Variants in RNF216 observed in about 807,000 individuals in gnomAD.
The protein encoded by RNF216 is E3 ubiquitin-protein ligase RNF216.
RNF216 carries 72 observed loss-of-function variants against 110.8 expected under a neutral mutation model. The ratio of observed to expected loss-of-function variants is 0.65; its 90% CI spans 0.54 to 0.79. The LOEUF (loss-of-function observed/expected upper bound fraction) is 0.79, where lower values mean the gene tolerates loss of function less well. Ranked by LOEUF, RNF216 falls within the 30% of genes least tolerant of loss-of-function variation. RNF216 has a pLI of 0.00. For missense variants in RNF216, 1,342 were observed against 1,141.2 expected (o/e 1.18, Z -2.54); for synonymous variants, 495 against 407.5 (o/e 1.21, Z -2.59).
At chr7:5,752,785 G>C in intron 3 of RNF216, 61 bp downstream of exon 3, 1 of 1,571,340 alleles carries the variant, frequency 6.4e-7, no homozygotes, top group Admixed American at 1.8e-5. Flanking sequence ...CACAAGAGTG[G>C]CTGAAAAATC....
chr7:5,687,650 G>A (rs1273924350), intron 13 of RNF216, among the ~76,000 whole-genome samples: 1 of 152,158 alleles, frequency 6.6e-6, no homozygotes, highest in Non-Finnish European at 1.5e-5. Context: ...TACAGAGGAG[G>A]AAACCAACAC....
At chr7:5,719,320 A>T (rs1793266570) in intron 9 of RNF216, among the ~76,000 whole-genome samples, 1 of 152,210 alleles carries the variant, frequency 6.6e-6, no homozygotes, top group African/African-American at 2.4e-5. Flanking sequence ...TTGAAGCAGT[A>T]AGCCATGATT....
intron 5 of RNF216, among the ~76,000 whole-genome samples, chr7:5,738,357 C>T (rs1220222865): frequency 1.3e-5 from 2 of 151,958 alleles, no homozygotes; most frequent in African/African-American, 4.8e-5. Context: ...TCCCAAAGTG[C>T]CAGAATTAAA....
At chr7:5,697,186 C>G (rs578078329) in intron 13 of RNF216, among the ~76,000 whole-genome samples, 4 of 149,860 alleles carry the variant, frequency 2.7e-5, no homozygotes, top group African/African-American at 1.0e-4. Context: ...AAGTTCTCCC[C>G]ATCTCCGCCA....
intron 9 of RNF216, 47 bp from the exon 10 acceptor site, chr7:5,716,813 T>C (rs1562423649): frequency 2.8e-6 from 4 of 1,405,386 alleles, no homozygotes; most frequent in Non-Finnish European, 1.0e-6. Flanking sequence ...TTAGTAAAAA[T>C]GACACTAACC....
chr7:5,744,476 AG>A (rs1323911090), intron 3 of RNF216, among the ~76,000 whole-genome samples: 1 of 152,128 alleles, frequency 6.6e-6, no homozygotes, highest in Non-Finnish European at 1.5e-5. Flanking sequence ...GAAGGGAAGG[AG>A]GGGGACACAT....
intron 13 of RNF216, among the ~76,000 whole-genome samples, chr7:5,675,614 C>T (rs1584429639): frequency 6.6e-6 from 1 of 152,116 alleles, no homozygotes; most frequent in South Asian, 2.1e-4. Context: ...GCGCTCCAGC[C>T]TGGGTGACAG....
intron 13 of RNF216, among the ~76,000 whole-genome samples, chr7:5,700,538 A>G (rs376993042): frequency 2.0e-4 from 30 of 152,282 alleles, no homozygotes; most frequent in African/African-American, 7.2e-4. Context: ...TGGTTTCTAG[A>G]AAGAGGGCCA....
intron 13 of RNF216, among the ~76,000 whole-genome samples, chr7:5,657,431 G>A (rs1788816363): frequency 6.6e-6 from 1 of 152,168 alleles, no homozygotes. Flanking sequence ...GCTGGGCGTG[G>A]TGGCGCATGC....
At chr7:5,665,130 A>G (rs891263008) in intron 13 of RNF216, among the ~76,000 whole-genome samples, 1 of 152,174 alleles carries the variant, frequency 6.6e-6, no homozygotes, top group African/African-American at 2.4e-5. Context: ...GAATTCTTCT[A>G]ACAGTGTCTT....
chr7:5,741,082 C>T lies in RNF216; in HGVS notation c.935G>A (p.Gly312Asp), dbSNP rs748380155. Residue 312 changes from glycine (G) to aspartate (D), a missense_variant, in exon 4 of 17, where the codon GGT (glycine) becomes GAT (aspartate). Physicochemically the swap from Gly to Asp is moderately conservative, Grantham distance 94. Coordinates refer to ENST00000389902, the MANE Select transcript of RNF216 (RefSeq NM_207111.4). ...AGATTCTTGCATTGGAAAGGCTGGACCTGGCTCTTCATCATCACTTGCTAA... is the reference window on the plus strand; with the variant it reads ...AGATTCTTGCATTGGAAAGGCTGGATCTGGCTCTTCATCATCACTTGCTAA... ...QQLASDDEEP[G>D]PAFPMQESQE... 4 of 1,614,082 alleles carry T rather than the reference C, an allele frequency of 2.5e-6. No homozygotes were observed. The highest frequency in any genetic ancestry group is 3.4e-6 in the Non-Finnish European group (4 of 1,180,032).
chr7:5,630,966 TG>T (rs1238321436), intron 15 of RNF216, among the ~76,000 whole-genome samples: 4 of 152,122 alleles, frequency 2.6e-5, no homozygotes, highest in African/African-American at 7.2e-5. Flanking sequence ...CAAACCTGAC[TG>T]GGGGCCTGAG....
At chr7:5,647,819 T>C (rs1024738609) in intron 14 of RNF216, among the ~76,000 whole-genome samples, 1 of 152,204 alleles carries the variant, frequency 6.6e-6, no homozygotes, top group Non-Finnish European at 1.5e-5. Flanking sequence ...CCATTTATAA[T>C]ACTACAAACC....
chr7:5,675,814 A>G (rs1790249855), intron 13 of RNF216, among the ~76,000 whole-genome samples: 1 of 149,820 alleles, frequency 6.7e-6, no homozygotes, highest in Non-Finnish European at 1.5e-5. Context: ...GGTTCAAGAG[A>G]TTCTCCTGCC....
chr7:5,770,415 C>T (rs1219560185), intron 1 of RNF216, among the ~76,000 whole-genome samples: 1 of 150,764 alleles, frequency 6.6e-6, no homozygotes, highest in Non-Finnish European at 1.5e-5. Context: ...GAGCCGAGAT[C>T]ATGCCAATGC....
At chr7:5,687,344 T>C (rs1255128967) in intron 13 of RNF216, among the ~76,000 whole-genome samples, 1 of 133,782 alleles carries the variant, frequency 7.5e-6, no homozygotes, top group Non-Finnish European at 1.5e-5. Context: ...TGCAGTGAGC[T>C]GAGACTGCGT....
chr7:5,630,017 G>A (rs575323191), intron 15 of RNF216, among the ~76,000 whole-genome samples: 1 of 152,036 alleles, frequency 6.6e-6, no homozygotes, highest in African/African-American at 2.4e-5. Flanking sequence ...CCTGTGAAGA[G>A]GACACTTGGA....
rs1791498605 is a variant in RNF216 at position 5,694,273 on chromosome 7, G to C, written c.2061+17488C>G. On this transcript the variant is annotated intron_variant, in intron 13 of 16. Coordinates refer to ENST00000389902, the MANE Select transcript of RNF216 (RefSeq NM_207111.4). ...TCTTTCAGCTTCAAAACAAGGTCTAGGTATGCAGTACTTGAATCATTCACA... is the reference window on the plus strand; with the variant it reads ...TCTTTCAGCTTCAAAACAAGGTCTACGTATGCAGTACTTGAATCATTCACA... Among the ~76,000 whole-genome samples, 2 of 152,198 alleles carry C rather than the reference G, an allele frequency of 1.3e-5. 1 individual carries two copies. The highest frequency in any genetic ancestry group is 4.1e-4 in the South Asian group (2 of 4,836).
intron 1 of RNF216, among the ~76,000 whole-genome samples, chr7:5,763,945 T>C (rs1002875083): frequency 4.6e-5 from 7 of 152,108 alleles, no homozygotes; most frequent in Non-Finnish European, 8.8e-5. Context: ...TCTAAGCACC[T>C]TGGGAGGCCG....
Sources: gnomAD v4.1 joint callset for allele counts (sites outside exome capture counted in the v4.1 genomes callset) on GRCh38, gnomAD v4.1.1 for gene constraint, MANE v1.5 for transcripts, NCBI Gene and HGNC (gene_info 2026-07-23, HGNC 2026-07-21) for gene names.